PBX3: variants seen among roughly 807,000 people sequenced by gnomAD.
The protein encoded by PBX3 is pre-B-cell leukemia transcription factor 3.
Under a neutral mutation model 48.5 loss-of-function variants are expected in PBX3, and 14 were observed. That is an observed-to-expected ratio of 0.29 (90% CI 0.19 to 0.45). The LOEUF is 0.45. PBX3 is among the 20% of genes least tolerant of loss of function. PBX3 has a pLI of 1.00. For missense variants in PBX3, 386 were observed against 546.7 expected (o/e 0.71, Z 2.93); for synonymous variants, 210 against 200.3 (o/e 1.05, Z -0.41).
intron 2 of PBX3, among the ~76,000 whole-genome samples, chr9:125,783,681 C>G (rs572910095): frequency 6.8e-4 from 103 of 152,156 alleles, no homozygotes; most frequent in Middle Eastern, 3.4e-3. Context: ...TCATGGTTTC[C>G]TTTAGCTCTT....
intron 2 of PBX3, among the ~76,000 whole-genome samples, chr9:125,799,754 A>G (rs557307882): frequency 1.3e-5 from 2 of 152,328 alleles, no homozygotes; most frequent in South Asian, 4.1e-4. Flanking sequence ...AAAGAATAAG[A>G]TAAAAATGTC....
At chr9:125,858,332 A>AT (rs1643903508) in intron 2 of PBX3, among the ~76,000 whole-genome samples, 1 of 152,340 alleles carries the variant, frequency 6.6e-6, no homozygotes, top group Non-Finnish European at 1.5e-5. Flanking sequence ...TCTCGTTTGT[A>AT]TATTGTTATG....
chr9:125,965,951 C>T lies in PBX3; in HGVS notation c.*28C>T, dbSNP rs1413719173. 2 of 1,551,096 alleles carry T rather than the reference C, an allele frequency of 1.3e-6. No individual in the cohort carries two copies. The highest frequency in any genetic ancestry group is 1.1e-5 in the South Asian group (1 of 89,726). ...TCTGGCCACACTTTTCCCTGAGCTA[C>T]ATGCCTTGATAAGTGCATTCAGAGC... On this transcript the variant is annotated 3_prime_UTR_variant, in exon 9 of 9. Coordinates refer to ENST00000373489, the MANE Select transcript of PBX3 (RefSeq NM_006195.6).
intron 2 of PBX3, among the ~76,000 whole-genome samples, chr9:125,852,254 T>C (rs1839604056): frequency 6.6e-6 from 1 of 152,158 alleles, no homozygotes; most frequent in Non-Finnish European, 1.5e-5. Context: ...CTTGGAGCAG[T>C]TTTGGAAACC....
intron 2 of PBX3, among the ~76,000 whole-genome samples, chr9:125,894,076 T>A (rs1840712876): frequency 6.6e-6 from 1 of 151,596 alleles, no homozygotes; most frequent in Non-Finnish European, 1.5e-5. Context: ...ATAAAACACT[T>A]GAAAAAGTAC....
At chr9:125,814,141 C>G (rs1170716867) in intron 2 of PBX3, among the ~76,000 whole-genome samples, 1 of 118,946 alleles carries the variant, frequency 8.4e-6, no homozygotes, top group Non-Finnish European at 1.6e-5. Context: ...CCAGCCTGGG[C>G]GACAGAGTGA....
Position 125,935,464 on chromosome 9 carries a change from T to G in PBX3, c.708-8T>G. The G allele has an allele frequency of 6.2e-7, 1 of 1,613,202 alleles. No individual in the cohort carries two copies. Among genetic ancestry groups the G allele is most frequent in the Non-Finnish European group, 8.5e-7 (1 of 1,179,348 alleles). On this transcript the variant is annotated splice_polypyrimidine_tract_variant and splice_region_variant and intron_variant, in intron 4 of 8. Transcript: ENST00000373489. The stretch of plus-strand genomic sequence containing the variant: ...AACTGCAATTATTTTCTTTCACTCT[T>G]GTCATAGACGGAAAAGGCGTAACTT...
intron 2 of PBX3, among the ~76,000 whole-genome samples, chr9:125,815,996 G>A (rs901589053): frequency 6.6e-6 from 1 of 150,952 alleles, no homozygotes; most frequent in African/African-American, 2.4e-5. Flanking sequence ...GCCTCCCTCC[G>A]TCTCTCTCTC....
intron 2 of PBX3, among the ~76,000 whole-genome samples, chr9:125,820,247 T>C (rs906108495): frequency 1.2e-4 from 18 of 152,240 alleles, no homozygotes; most frequent in Admixed American, 5.2e-4. Context: ...TGGTTATTCC[T>C]AACAGACTGG....
At chr9:125,794,346 T>G (rs1346193870) in intron 2 of PBX3, among the ~76,000 whole-genome samples, 2 of 152,192 alleles carry the variant, frequency 1.3e-5, no homozygotes, top group Non-Finnish European at 2.9e-5. Context: ...GATTCCCAGG[T>G]AATCATATAC....
chr9:125,904,704 G>A (rs1841029481), intron 2 of PBX3, among the ~76,000 whole-genome samples: 1 of 151,888 alleles, frequency 6.6e-6, no homozygotes, highest in Non-Finnish European at 1.5e-5. Context: ...AGTTGGAGAG[G>A]CAGCACACCA....
At chr9:125,901,103 A>G (rs1198611567) in intron 2 of PBX3, among the ~76,000 whole-genome samples, 1 of 151,706 alleles carries the variant, frequency 6.6e-6, no homozygotes, top group Non-Finnish European at 1.5e-5. Context: ...AGAAAATTTA[A>G]TTTAGCACCC....
chr9:125,757,128 A>G (rs1194461766), intron 2 of PBX3, among the ~76,000 whole-genome samples: 1 of 152,176 alleles, frequency 6.6e-6, no homozygotes, highest in Non-Finnish European at 1.5e-5. Flanking sequence ...TGGGGAGGAA[A>G]TCATTGCATT....
chr9:125,961,955 T>A, intron 6 of PBX3, 147 bp from the exon 7 acceptor site: 1 of 471,724 alleles, frequency 2.1e-6, no homozygotes, highest in East Asian at 3.2e-5. Context: ...TCTCTGGAGT[T>A]ACTCTCCATC....
chr9:125,849,750 C>T (rs528678910), intron 2 of PBX3, among the ~76,000 whole-genome samples: 11 of 151,740 alleles, frequency 7.2e-5, no homozygotes, highest in Non-Finnish European at 1.3e-4. Flanking sequence ...CATTTTATTT[C>T]CTGAAGGCTG....
intron 2 of PBX3, among the ~76,000 whole-genome samples, chr9:125,880,157 G>T (rs1840348859): frequency 6.6e-6 from 1 of 152,144 alleles, no homozygotes; most frequent in African/African-American, 2.4e-5. Context: ...CAGTTCTCCT[G>T]CCTCAGCCTC....
At chr9:125,846,580 T>C (rs1839430937) in intron 2 of PBX3, among the ~76,000 whole-genome samples, 1 of 152,014 alleles carries the variant, frequency 6.6e-6, no homozygotes, top group African/African-American at 2.4e-5. Context: ...GAAGACAGAA[T>C]ATTACAGCAC....
chr9:125,818,513 A>T (rs926725403), intron 2 of PBX3, among the ~76,000 whole-genome samples: 2 of 150,940 alleles, frequency 1.3e-5, no homozygotes, highest in Non-Finnish European at 3.0e-5. Flanking sequence ...TTTTATTTTA[A>T]TTTTTTTTGT....
chr9:125,897,554 ATTAG>A (rs569372594), intron 2 of PBX3, among the ~76,000 whole-genome samples: 24 of 152,026 alleles, frequency 1.6e-4, no homozygotes, highest in African/African-American at 5.1e-4. Flanking sequence ...TTCTCAACAA[ATTAG>A]TTAGAAGACT....
Sources: allele counts gnomAD v4.1 joint callset (sites outside exome capture counted in the v4.1 genomes callset), GRCh38; gene constraint gnomAD v4.1.1; transcripts MANE v1.5; gene names NCBI Gene and HGNC (gene_info 2026-07-23, HGNC 2026-07-21).